The following GRM7 variants were observed in gnomAD, a reference collection of about 807,000 sequenced individuals.
GRM7 encodes metabotropic glutamate receptor 7.
Under a neutral mutation model 84.5 loss-of-function variants are expected in GRM7, and 35 were observed. The ratio of observed to expected loss-of-function variants is 0.41; its 90% CI spans 0.32 to 0.55. The LOEUF (loss-of-function observed/expected upper bound fraction) is 0.55. Among genes scored for constraint, GRM7 ranks in the 20% least tolerant of loss-of-function variants. The pLI is 0.19. For synonymous variants in GRM7, 487 were observed against 455.1 expected, an observed-to-expected ratio of 1.07 and a Z score of -0.89; for missense variants, 1,003 against 1,194.6, an observed-to-expected ratio of 0.84 and a Z score of 2.36.
intron 2 of GRM7, among the ~76,000 whole-genome samples, chr3:7,211,822 T>C (rs1696439497): frequency 6.6e-6 from 1 of 152,152 alleles, no homozygotes. Flanking sequence ...CAGCTCTTTT[T>C]CCTGACCCCT....
chr3:7,415,273 T>A, intron 5 of GRM7, 110 bp downstream of exon 5: 2 of 882,100 alleles, frequency 2.3e-6, no homozygotes, highest in Non-Finnish European at 1.8e-6. Flanking sequence ...AAAAGTAAAT[T>A]AAATTTTACT....
At chr3:7,218,050 G>A (rs1696673624) in intron 2 of GRM7, among the ~76,000 whole-genome samples, 1 of 151,942 alleles carries the variant, frequency 6.6e-6, no homozygotes, top group African/African-American at 2.4e-5. Context: ...TAAATAACAA[G>A]GTTATCTTTT....
At chr3:7,310,116 C>T (rs1321102254) in intron 4 of GRM7, among the ~76,000 whole-genome samples, 2 of 152,156 alleles carry the variant, frequency 1.3e-5, no homozygotes, top group Non-Finnish European at 2.9e-5. Flanking sequence ...AGGAGGCTGT[C>T]CTAGGCATCC....
At chr3:7,123,017 CCTTA>C (rs1371125565) in intron 1 of GRM7, among the ~76,000 whole-genome samples, 2 of 152,072 alleles carry the variant, frequency 1.3e-5, no homozygotes, top group East Asian at 1.9e-4. Context: ...AATTATGCAC[CCTTA>C]CTTACAGTGA....
chr3:7,331,740 A>G (rs559791244), intron 4 of GRM7, among the ~76,000 whole-genome samples: 1 of 152,326 alleles, frequency 6.6e-6, no homozygotes, highest in African/African-American at 2.4e-5. Context: ...TGTATGGCAT[A>G]AAAGCAGTCT....
chr3:7,319,204 A>G (rs9844758), intron 4 of GRM7, among the ~76,000 whole-genome samples: 12,154 of 152,066 alleles, frequency 0.08, 1,338 homozygotes, highest in African/African-American at 0.25. Flanking sequence ...AGATAAGCTT[A>G]GGGGGTTGTG....
chr3:7,604,025 T>C (rs985406030), intron 8 of GRM7, among the ~76,000 whole-genome samples: 22 of 151,990 alleles, frequency 1.4e-4, no homozygotes, highest in Non-Finnish European at 1.5e-5. Flanking sequence ...TTTTTGTCTA[T>C]AGACAGGACT....
intron 5 of GRM7, among the ~76,000 whole-genome samples, chr3:7,445,996 CTCT>C (rs1697489411): frequency 7.8e-6 from 1 of 128,574 alleles, no homozygotes; most frequent in Non-Finnish European, 1.9e-5. Flanking sequence ...TGCCCTGACT[CTCT>C]TTTTCAAAGC....
chr3:6,894,326 G>T (rs1696088671), intron 1 of GRM7, among the ~76,000 whole-genome samples: 1 of 151,996 alleles, frequency 6.6e-6, no homozygotes, highest in South Asian at 2.1e-4. Flanking sequence ...ATTCACATAA[G>T]AAAAAATCAT....
At chr3:7,176,116 A>T (rs1002402282) in intron 2 of GRM7, among the ~76,000 whole-genome samples, 9 of 151,898 alleles carry the variant, frequency 5.9e-5, no homozygotes, top group African/African-American at 2.2e-4. Flanking sequence ...ACATTTGTAG[A>T]ATAGGCCAAG....
intron 2 of GRM7, among the ~76,000 whole-genome samples, chr3:7,268,997 G>A (rs1698753034): frequency 1.3e-5 from 2 of 152,108 alleles, no homozygotes; most frequent in South Asian, 4.2e-4. Flanking sequence ...GACAGAATGT[G>A]TTTGCATGTC....
intron 1 of GRM7, among the ~76,000 whole-genome samples, chr3:6,987,400 A>AAAAAC (rs1694456161): frequency 1.1e-5 from 1 of 91,984 alleles, no homozygotes; most frequent in Admixed American, 9.1e-5. Context: ...GCTGAAGGAC[A>AAAAAC]AAAAAAAAAA....
At chr3:7,381,173 T>G (rs1259595345) in intron 4 of GRM7, among the ~76,000 whole-genome samples, 1 of 152,138 alleles carries the variant, frequency 6.6e-6, no homozygotes, top group Non-Finnish European at 1.5e-5. Context: ...AGTTTTTTTT[T>G]GATGTTCAAC....
chr3:7,617,114 T>G (rs1169602806), intron 8 of GRM7, among the ~76,000 whole-genome samples: 1 of 152,110 alleles, frequency 6.6e-6, no homozygotes, highest in African/African-American at 2.4e-5. Context: ...TGCTGGAGGT[T>G]GCAATTCTTT....
At chr3:7,479,128 A>T (rs1169975646) in intron 7 of GRM7, among the ~76,000 whole-genome samples, 5 of 152,062 alleles carry the variant, frequency 3.3e-5, no homozygotes, top group African/African-American at 7.2e-5. Context: ...AATTTGGCAG[A>T]TGATCCTGGC....
At chr3:7,445,693 A>G (rs1229924181) in intron 5 of GRM7, among the ~76,000 whole-genome samples, 2 of 152,216 alleles carry the variant, frequency 1.3e-5, no homozygotes, top group East Asian at 1.9e-4. Flanking sequence ...TGTGGACACT[A>G]TGAAAGATGC....
chr3:6,916,736 G>A (rs981430958), intron 1 of GRM7, among the ~76,000 whole-genome samples: 12 of 152,120 alleles, frequency 7.9e-5, no homozygotes, highest in Admixed American at 2.0e-4. Flanking sequence ...ATTCGATTTC[G>A]ACATATAAAT....
intron 8 of GRM7, among the ~76,000 whole-genome samples, chr3:7,581,883 C>A (rs566405488): frequency 6.6e-6 from 1 of 151,192 alleles, no homozygotes; most frequent in Admixed American, 6.6e-5. Flanking sequence ...AAATATTAAC[C>A]CCCATGAAGT....
intron 2 of GRM7, among the ~76,000 whole-genome samples, chr3:7,168,817 A>G (rs1694890597): frequency 6.6e-6 from 1 of 152,320 alleles, no homozygotes; most frequent in South Asian, 2.1e-4. Context: ...GGTAATGGCC[A>G]ACTTCTCTAT....
Sources: allele counts gnomAD v4.1 joint callset (sites outside exome capture counted in the v4.1 genomes callset), GRCh38; gene constraint gnomAD v4.1.1; transcripts MANE v1.5; gene names NCBI Gene and HGNC (gene_info 2026-07-23, HGNC 2026-07-21).